The following DNTTIP1 variants were observed in gnomAD, a reference collection of about 807,000 sequenced individuals.
DNTTIP1 encodes the protein deoxynucleotidyltransferase terminal interacting protein 1.
A neutral mutation model predicts 52.9 loss-of-function variants in DNTTIP1; 22 were observed. That is an observed-to-expected ratio of 0.42 (90% CI 0.30 to 0.59). The LOEUF is 0.59. Ranked by LOEUF, DNTTIP1 falls within the 20% of genes least tolerant of loss-of-function variation. DNTTIP1 has a pLI of 0.22. For synonymous variants in DNTTIP1, 136 were observed against 155.1 expected (o/e 0.88, Z 0.92); for missense variants, 286 against 435.5 (o/e 0.66, Z 3.06).
intron 4 of DNTTIP1, among the ~76,000 whole-genome samples, chr20:45,799,437 T>C (rs1385976718): frequency 6.6e-6 from 1 of 152,224 alleles, no homozygotes; most frequent in Non-Finnish European, 1.5e-5. Flanking sequence ...ATCTCCCCTC[T>C]GCCCATTCCA....
At chr20:45,806,355 CA>C (rs3080098) in intron 10 of DNTTIP1, among the ~76,000 whole-genome samples, 50 of 131,684 alleles carry the variant, frequency 3.8e-4, no homozygotes, top group East Asian at 4.4e-4. Flanking sequence ...AACTCCATCT[CA>C]AAAAAAAAAA....
At chr20:45,794,863 G>A (rs142036340) in intron 3 of DNTTIP1, among the ~76,000 whole-genome samples, 4,134 of 150,170 alleles carry the variant, frequency 0.028, 137 homozygotes, top group East Asian at 0.085. Context: ...GCAGTGGCAC[G>A]GTCTTGGCTC....
rs778512315 is a variant in DNTTIP1, at chr20:45,805,184, G to T, written c.642G>T (p.Val214=). The change falls in exon 9 of 13, where the codon GTG becomes GTT. Residue 214 remains valine (V), a synonymous_variant. Coordinates refer to ENST00000372622, the MANE Select transcript of DNTTIP1 (RefSeq NM_052951.3). The part of the protein sequence containing the change: ...PARLNESTTF[V]LGSRANKALG... ...GCCTGAATGAATCTACCACCTTTGT[G>T]TTGGGATCTCGAGCCAACAAGTAAG... 1.7e-5 allele frequency: 27 copies of T among 1,614,078 alleles called. No homozygotes were observed. Among genetic ancestry groups the T allele is most frequent in the Non-Finnish European group, 2.1e-5 (25 of 1,180,042 alleles).
At chr20:45,801,182 C>T (rs1272520847) in intron 5 of DNTTIP1, 40 bp downstream of exon 5, 1 of 1,596,428 alleles carries the variant, frequency 6.3e-7, no homozygotes, top group Admixed American at 1.7e-5. Context: ...AGCGGGAGGT[C>T]CTTCAGGCTG....
intron 4 of DNTTIP1, among the ~76,000 whole-genome samples, chr20:45,796,990 C>T (rs1461370791): frequency 1.3e-5 from 2 of 152,176 alleles, no homozygotes; most frequent in African/African-American, 4.8e-5. Context: ...GTCCTCAAAC[C>T]CCTTCTCTTT....
chr20:45,801,967 G>T lies in DNTTIP1; in HGVS notation c.499-32G>T, dbSNP rs779805577. 45 of 1,613,060 alleles carry T rather than the reference G, an allele frequency of 2.8e-5. 1 individual carries two copies. Among genetic ancestry groups the T allele is most frequent in the Non-Finnish European group, 3.4e-5 (40 of 1,179,086 alleles). On this transcript the variant is annotated intron_variant, in intron 6 of 12. Coordinates refer to ENST00000372622, the MANE Select transcript of DNTTIP1 (RefSeq NM_052951.3). Reference sequence around the variant, plus strand: ...ATGGGGTATGGGGAGTAACCACAGGGTCAGACCTCTGACAGCTGTTTTTTG... The same window carrying T: ...ATGGGGTATGGGGAGTAACCACAGGTTCAGACCTCTGACAGCTGTTTTTTG...
At chr20:45,802,960 G>T (rs767493947) in intron 7 of DNTTIP1, 1 of 171,650 alleles carries the variant, frequency 5.8e-6, no homozygotes, top group Non-Finnish European at 1.2e-5. Flanking sequence ...GTTTGGAACA[G>T]CTGGCTTAGT....
Position 45,803,474 on chromosome 20 carries a change from G to A in DNTTIP1, c.603+96G>A, listed in dbSNP as rs1673619363. ...GAGGGAAAGGGGCAGGGGGCGAAGG[G>A]TGCATGCACACCATTCCAGAGCCAT... On this transcript the variant is annotated intron_variant, in intron 8 of 12. Coordinates refer to ENST00000372622, the MANE Select transcript of DNTTIP1 (RefSeq NM_052951.3). 2.9e-6 allele frequency: 4 copies of A among 1,367,626 alleles called. No individual in the cohort carries two copies. In the Admixed American group the frequency reaches 5.5e-5, roughly 19 times the overall value. The allele number at this position is 1,367,626 out of a possible 1,614,324, so 84.7% of individuals were successfully genotyped here.
intron 4 of DNTTIP1, among the ~76,000 whole-genome samples, chr20:45,800,255 TAG>T (rs1204189374): frequency 1.3e-5 from 2 of 152,094 alleles, no homozygotes; most frequent in Non-Finnish European, 2.9e-5. Context: ...ACATTAATAG[TAG>T]TTTATGTAAT....
intron 2 of DNTTIP1, among the ~76,000 whole-genome samples, 198 bp from the exon 3 acceptor site, chr20:45,793,723 T>C (rs1981129377): frequency 6.6e-6 from 1 of 152,060 alleles, no homozygotes; most frequent in African/African-American, 2.4e-5. Context: ...TTGAAAATAA[T>C]ATGCACTTCA....
At chr20:45,796,387 C>CAA (rs11477536) in intron 4 of DNTTIP1, 116 of 371,902 alleles carry the variant, frequency 3.1e-4, no homozygotes, top group African/African-American at 1.9e-3. Flanking sequence ...AAAAGCAAAG[C>CAA]AAAAAAAAAA....
Position 45,795,439 on chromosome 20 carries a change from A to G in DNTTIP1, c.368A>G (p.Glu123Gly). 6.2e-7 allele frequency: 1 copy of G among 1,600,810 alleles called. No homozygotes were observed. The highest frequency in any genetic ancestry group is 8.5e-7 in the Non-Finnish European group (1 of 1,172,310). Residue 123 changes from glutamate (E) to glycine (G), a missense_variant, in exon 4 of 13, where the codon GAG becomes GGG. This residue lies in a region of DNTTIP1 where 208 missense variants were observed against 266.5 expected (regional missense o/e 0.78). Coordinates refer to ENST00000372622, the MANE Select transcript of DNTTIP1 (RefSeq NM_052951.3). Reference protein sequence around the residue: ...LIQEACRSCLEQAKLLFSDGE... With the variant: ...LIQEACRSCLGQAKLLFSDGE... ...CAGGAAGCCTGTCGGAGCTGCCTGG[A>G]GCAGGTGAGACCAAAGGGGACAAGA...
At chr20:45,803,049 G>C in intron 7 of DNTTIP1, 1 of 408,332 alleles carries the variant, frequency 2.4e-6, no homozygotes, top group Admixed American at 3.7e-5. Flanking sequence ...ACACAAGATA[G>C]GTAGGGCAGT....
At chr20:45,808,729 T>C (rs1282427406) in intron 10 of DNTTIP1, among the ~76,000 whole-genome samples, 1 of 152,238 alleles carries the variant, frequency 6.6e-6, no homozygotes, top group Non-Finnish European at 1.5e-5. Flanking sequence ...CTATTATGCG[T>C]CCGAGAGTAC....
At chr20:45,804,496 G>A (rs777429270) in intron 8 of DNTTIP1, among the ~76,000 whole-genome samples, 4 of 152,090 alleles carry the variant, frequency 2.6e-5, no homozygotes, top group Admixed American at 2.0e-4. Flanking sequence ...ATCTTTAAAG[G>A]AAATCTGACT....
chr20:45,809,080 G>A lies in DNTTIP1; in HGVS notation c.724-34G>A, dbSNP rs376099800. ...ACCAAATGAGAAAAGCCCCTTACCC[G>A]AGGCTAATTTTCTTACAACTTCATT... On this transcript the variant is annotated intron_variant, in intron 10 of 12. Coordinates refer to ENST00000372622, the MANE Select transcript of DNTTIP1 (RefSeq NM_052951.3). The surrounding 1 kb of genome is among the most constrained non-coding windows in gnomAD (Gnocchi z 4.2). The A allele has an allele frequency of 2.6e-5, 41 of 1,600,186 alleles. No individual in the cohort carries two copies. The highest frequency in any genetic ancestry group is 3.0e-5 in the Non-Finnish European group (35 of 1,167,582).
intron 1 of DNTTIP1, 83 bp from the exon 2 acceptor site, chr20:45,792,594 G>A: frequency 8.9e-7 from 1 of 1,122,116 alleles, no homozygotes; most frequent in Non-Finnish European, 1.3e-6. Context: ...GGATGTCCAG[G>A]TTTAACTTCA....
At chr20:45,792,624 C>A in intron 1 of DNTTIP1, 53 bp from the exon 2 acceptor site, 1 of 1,443,680 alleles carries the variant, frequency 6.9e-7, no homozygotes, top group Non-Finnish European at 9.4e-7. Flanking sequence ...TCCACCTCCA[C>A]CCCACCCCAG....
intron 10 of DNTTIP1, among the ~76,000 whole-genome samples, chr20:45,805,879 T>C (rs1981623224): frequency 6.6e-6 from 1 of 151,840 alleles, no homozygotes; most frequent in Admixed American, 6.6e-5. Flanking sequence ...AAGTTGGGAG[T>C]TCGAGACCAG....
Sources: gnomAD v4.1 joint callset for allele counts (sites outside exome capture counted in the v4.1 genomes callset) on GRCh38, gnomAD v4.1.1 for gene constraint, gnomAD v4.1.1 regional missense constraint, Gnocchi (gnomAD v3.1) non-coding constraint, MANE v1.5 for transcripts, NCBI Gene and HGNC (gene_info 2026-07-23, HGNC 2026-07-21) for gene names.